The following PHACTR1 variants were observed in gnomAD, a reference collection of about 807,000 sequenced individuals.
PHACTR1 encodes phosphatase and actin regulator 1.
In PHACTR1, 16 loss-of-function variants were observed where a neutral mutation model predicts 69.2. The ratio of observed to expected loss-of-function variants is 0.23; its 90% CI spans 0.16 to 0.35. PHACTR1 has a LOEUF of 0.35. Ranked by LOEUF, PHACTR1 falls within the 10% of genes least tolerant of loss-of-function variation. The probability of loss-of-function intolerance (pLI) is 1.00; values close to 1 mark genes in which losing one functional copy is unlikely to be tolerated. For missense variants in PHACTR1, 510 were observed against 734.7 expected, an observed-to-expected ratio of 0.69 and a Z score of 3.54; for synonymous variants, 312 against 284.5, an observed-to-expected ratio of 1.10 and a Z score of -0.97.
chr6:13,272,818 C>T (rs769819525), intron 10 of PHACTR1, 42 bp from the exon 11 acceptor site: 5 of 1,614,046 alleles, frequency 3.1e-6, no homozygotes, highest in Admixed American at 1.7e-5. Context: ...CCCAAGGAGG[C>T]TATGATATGG....
chr6:12,773,792 A>T (rs1364495003), intron 4 of PHACTR1, among the ~76,000 whole-genome samples: 1 of 152,182 alleles, frequency 6.6e-6, no homozygotes, highest in Admixed American at 6.5e-5. Context: ...AAAAATACCT[A>T]ATATTTTTCC....
rs544723767 is a variant in PHACTR1, at chr6:13,045,364, C to T, written c.251-8001C>T. ...AAATGTTAGCTGTTATGGATGCTGT[C>T]ATCATCATCGTCATCATCAATGATC... On this transcript the variant is annotated intron_variant, in intron 4 of 14. Transcript: ENST00000332995. 1.4e-4 allele frequency among the ~76,000 whole-genome samples: 22 copies of T among 152,242 alleles called. No homozygotes were observed. In the South Asian group the frequency reaches 4.6e-3, roughly 32 times the overall value.
chr6:13,163,357 T>C (rs1003357166), intron 6 of PHACTR1, among the ~76,000 whole-genome samples: 1 of 152,252 alleles, frequency 6.6e-6, no homozygotes, highest in Non-Finnish European at 1.5e-5. Flanking sequence ...CCTGTTTTAC[T>C]TTGATCCTTG....
intron 5 of PHACTR1, among the ~76,000 whole-genome samples, chr6:13,056,631 T>G (rs911659117): frequency 3.9e-5 from 6 of 152,166 alleles, no homozygotes; most frequent in Non-Finnish European, 7.4e-5. Context: ...ACCACTGCAA[T>G]AGGGTCTTGC....
chr6:12,723,403 G>T (rs1356672049), intron 3 of PHACTR1, among the ~76,000 whole-genome samples: 1 of 151,946 alleles, frequency 6.6e-6, no homozygotes, highest in Admixed American at 6.6e-5. Flanking sequence ...AAAATCTCCA[G>T]GTAATTTATA....
At chr6:13,258,927 T>C (rs992076923) in intron 10 of PHACTR1, among the ~76,000 whole-genome samples, 2 of 152,226 alleles carry the variant, frequency 1.3e-5, no homozygotes, top group African/African-American at 2.4e-5. Flanking sequence ...GATGTTGTTT[T>C]TATATATAGC....
chr6:13,166,377 C>T lies in PHACTR1; in HGVS notation c.496+6093C>T, dbSNP rs149003545. On this transcript the variant is annotated intron_variant, in intron 6 of 14. Coordinates refer to ENST00000332995, the MANE Select transcript of PHACTR1 (RefSeq NM_030948.6). ...ATCTCTCCTCACTTCATAAGCTCCA[C>T]CAAGCAGGGCAGGGGTCTTCGTCTG... Among the ~76,000 whole-genome samples, 811 of 152,276 alleles carry T rather than the reference C, an allele frequency of 5.3e-3. 5 individuals are homozygous for T. The highest frequency in any genetic ancestry group is 9.0e-3 in the Admixed American group (137 of 15,288).
chr6:12,791,396 T>TA (rs1343667812), intron 4 of PHACTR1, among the ~76,000 whole-genome samples: 1 of 152,108 alleles, frequency 6.6e-6, no homozygotes, highest in Non-Finnish European at 1.5e-5. Context: ...CAGAGATGAA[T>TA]AATACCCCAG....
chr6:12,918,277 C>CAG (rs10699784), intron 4 of PHACTR1, among the ~76,000 whole-genome samples: 151,052 of 152,272 alleles, frequency 0.99, 74,938 homozygotes, highest in South Asian at 1. Context: ...TAGGAATCAT[C>CAG]AGAGTTCTGG....
At chr6:12,828,483 T>C (rs1777047864) in intron 4 of PHACTR1, among the ~76,000 whole-genome samples, 1 of 152,220 alleles carries the variant, frequency 6.6e-6, no homozygotes, top group Non-Finnish European at 1.5e-5. Flanking sequence ...GTGGAATTTC[T>C]ATTCTTTTTG....
chr6:12,734,208 C>T (rs1408808704), intron 3 of PHACTR1, among the ~76,000 whole-genome samples: 4 of 152,090 alleles, frequency 2.6e-5, no homozygotes, highest in African/African-American at 7.2e-5. Context: ...CCAGTGAGAG[C>T]GTTTATTTTA....
At chr6:13,256,403 ACTT>A (rs1474355598) in intron 10 of PHACTR1, among the ~76,000 whole-genome samples, 2 of 152,086 alleles carry the variant, frequency 1.3e-5, no homozygotes, top group Non-Finnish European at 2.9e-5. Context: ...GCTCCTTTTT[ACTT>A]ATGCAAATTT....
intron 5 of PHACTR1, 49 bp downstream of exon 5, chr6:13,053,578 A>G (rs1806316480): frequency 6.3e-7 from 1 of 1,578,426 alleles, no homozygotes; most frequent in Non-Finnish European, 8.6e-7. Flanking sequence ...GTTGCCTTCA[A>G]CTCTATTATC....
chr6:12,736,875 T>C (rs933546924), intron 3 of PHACTR1, among the ~76,000 whole-genome samples: 1 of 152,138 alleles, frequency 6.6e-6, no homozygotes, highest in African/African-American at 2.4e-5. Flanking sequence ...TTGCTCTCTC[T>C]TGTCTCTATT....
At chr6:13,183,673 T>C (rs1762467097) in intron 7 of PHACTR1, among the ~76,000 whole-genome samples, 1 of 152,136 alleles carries the variant, frequency 6.6e-6, no homozygotes, top group African/African-American at 2.4e-5. Context: ...GCTTTCTCAC[T>C]GAGGCGGTGG....
intron 4 of PHACTR1, among the ~76,000 whole-genome samples, chr6:13,004,215 T>C (rs1219327516): frequency 6.6e-6 from 1 of 151,866 alleles, no homozygotes; most frequent in Non-Finnish European, 1.5e-5. Flanking sequence ...ATAGAGGTTG[T>C]ATTAATTTAC....
intron 7 of PHACTR1, among the ~76,000 whole-genome samples, chr6:13,191,266 G>C (rs150236509): frequency 6.6e-6 from 1 of 152,166 alleles, no homozygotes; most frequent in Non-Finnish European, 1.5e-5. Context: ...TGTTTGCATA[G>C]AAGTCTCTCT....
chr6:13,125,724 T>C (rs1044884192), intron 5 of PHACTR1, among the ~76,000 whole-genome samples: 3 of 151,654 alleles, frequency 2.0e-5, no homozygotes, highest in African/African-American at 7.3e-5. Context: ...AGCCCAGGAG[T>C]TTGAGACCAG....
At chr6:13,262,491 A>G (rs1250457432) in intron 10 of PHACTR1, among the ~76,000 whole-genome samples, 1 of 152,148 alleles carries the variant, frequency 6.6e-6, no homozygotes, top group Non-Finnish European at 1.5e-5. Flanking sequence ...TCATCCAAGG[A>G]GCATGTGTGG....
Sources: gnomAD v4.1 joint callset for allele counts (sites outside exome capture counted in the v4.1 genomes callset) on GRCh38, gnomAD v4.1.1 for gene constraint, MANE v1.5 for transcripts, NCBI Gene and HGNC (gene_info 2026-07-23, HGNC 2026-07-21) for gene names.